The following MLXIPL variants were observed in gnomAD, a reference collection of about 807,000 sequenced individuals.
MLXIPL encodes carbohydrate-responsive element-binding protein.
MLXIPL carries 49 observed loss-of-function variants against 81.5 expected under a neutral mutation model. That is an observed-to-expected ratio of 0.60 (90% CI 0.48 to 0.76). The LOEUF (loss-of-function observed/expected upper bound fraction) is 0.76. Among genes scored for constraint, MLXIPL ranks in the 30% least tolerant of loss-of-function variants. MLXIPL has a pLI of 0.00. For missense variants in MLXIPL, 1,053 were observed against 1,167.0 expected (o/e 0.90, Z 1.42); for synonymous variants, 466 against 485.5 (o/e 0.96, Z 0.53).
At chr7:73,606,460 C>G (rs1025918389) in intron 5 of MLXIPL, 21 of 360,952 alleles carry the variant, frequency 5.8e-5, no homozygotes, top group African/African-American at 4.2e-4. Flanking sequence ...GAGTCTCACT[C>G]TGTTGCCCAG....
the MLXIPL span, among the ~76,000 whole-genome samples, chr7:73,633,544 C>T: frequency 1.1e-4 from 16 of 152,014 alleles, no homozygotes; most frequent in Non-Finnish European, 2.2e-4. Flanking sequence ...CTGGTTTTGA[C>T]CTGGGCTCCA....
At chr7:73,611,955 G>A (rs1315410196) in intron 2 of MLXIPL, among the ~76,000 whole-genome samples, 1 of 152,122 alleles carries the variant, frequency 6.6e-6, no homozygotes, top group East Asian at 1.9e-4. Context: ...ACTCCCAGGG[G>A]GCTAGATAAG....
intron 1 of MLXIPL, among the ~76,000 whole-genome samples, chr7:73,618,970 G>T (rs1796156925): frequency 6.6e-6 from 1 of 152,182 alleles, no homozygotes; most frequent in Admixed American, 6.5e-5. Flanking sequence ...GGAAGAAAAG[G>T]ATTTGGGGCT....
chr7:73,601,810 G>A (rs1281648262), intron 7 of MLXIPL, among the ~76,000 whole-genome samples: 1 of 152,142 alleles, frequency 6.6e-6, no homozygotes, highest in Non-Finnish European at 1.5e-5. Flanking sequence ...GGGATGACAG[G>A]AGTGAGTCAC....
upstream of MLXIPL, chr7:73,624,550 T>C (rs1038588433): frequency 8.8e-6 from 13 of 1,474,548 alleles, no homozygotes; most frequent in African/African-American, 1.5e-5. Context: ...GAACAGCTCT[T>C]GGCCAGCCGG....
At chr7:73,643,284 G>A in the MLXIPL span, among the ~76,000 whole-genome samples, 1 of 152,154 alleles carries the variant, frequency 6.6e-6, no homozygotes, top group Non-Finnish European at 1.5e-5. Context: ...GGAGGCCGAG[G>A]CGGGCGGATC....
intron 2 of MLXIPL, among the ~76,000 whole-genome samples, chr7:73,611,827 T>A (rs1031810137): frequency 1.1e-3 from 168 of 148,494 alleles, no homozygotes; most frequent in African/African-American, 3.4e-3. Context: ...AAAAAAAAAA[T>A]AAAATAAAAT....
At chr7:73,640,127 G>A in the MLXIPL span, among the ~76,000 whole-genome samples, 4 of 151,738 alleles carry the variant, frequency 2.6e-5, no homozygotes, top group South Asian at 2.1e-4. Context: ...GTTATGGGCC[G>A]GGCATGGTGG....
chr7:73,636,003 G>A, the MLXIPL span, among the ~76,000 whole-genome samples: 3 of 152,292 alleles, frequency 2.0e-5, no homozygotes, highest in East Asian at 1.9e-4. Context: ...AACTAGAGGG[G>A]GCCAGTCCCA....
At chr7:73,613,313 T>C (rs1452103452) in intron 2 of MLXIPL, among the ~76,000 whole-genome samples, 3 of 152,026 alleles carry the variant, frequency 2.0e-5, no homozygotes, top group African/African-American at 7.2e-5. Context: ...AAATAGGACC[T>C]ATTGGCCGGG....
At position 73,604,148 on chromosome 7, in the gene MLXIPL, G is replaced by A. The variant is rs182285346; in HGVS notation, c.901+1540C>T. Among the ~76,000 whole-genome samples, 625 of 146,912 alleles carry A rather than the reference G, an allele frequency of 4.3e-3. 4 individuals are homozygous for A. Among genetic ancestry groups the A allele is most frequent in the Non-Finnish European group, 6.5e-3 (435 of 67,330 alleles). On this transcript the variant is annotated intron_variant, in intron 7 of 16. Coordinates refer to ENST00000313375, the MANE Select transcript of MLXIPL (RefSeq NM_032951.3). Reference sequence around the variant, plus strand: ...CAAGAATCGCTTGAACCTGGGAGGCGGAAGCTGCAGTGAGCTGAGATGGAC... The same window carrying A: ...CAAGAATCGCTTGAACCTGGGAGGCAGAAGCTGCAGTGAGCTGAGATGGAC...
At chr7:73,612,105 T>G (rs1051383647) in intron 2 of MLXIPL, among the ~76,000 whole-genome samples, 4 of 151,632 alleles carry the variant, frequency 2.6e-5, no homozygotes, top group Non-Finnish European at 5.9e-5. Flanking sequence ...CTGAGAGGAT[T>G]GCTTGAGGCC....
At chr7:73,629,440 G>A (rs1044418704), upstream of MLXIPL, among the ~76,000 whole-genome samples, 5 of 152,122 alleles carry the variant, frequency 3.3e-5, no homozygotes, top group Non-Finnish European at 7.3e-5. Context: ...AATTCCTTGA[G>A]AGCAAGAATC....
chr7:73,612,065 C>T (rs1423316458), intron 2 of MLXIPL, among the ~76,000 whole-genome samples: 3 of 152,140 alleles, frequency 2.0e-5, no homozygotes, highest in Non-Finnish European at 4.4e-5. Context: ...GTGGCTCACG[C>T]CTGTAGCCCC....
rs116089913 is a variant in MLXIPL at position 73,599,981 on chromosome 7, C to T, written c.902-286G>A. Among the ~76,000 whole-genome samples, 956 of 152,142 alleles carry T rather than the reference C, an allele frequency of 6.3e-3. 11 individuals carry two copies. Among genetic ancestry groups the T allele is most frequent in the African/African-American group, 0.022 (934 of 41,518 alleles). ...AGGAGCCCCCTCCCCTCCCCAGCCC[C>T]AGGCTTAGCTCAGGAAGTCCCCCTC... is the stretch of plus-strand genomic sequence containing the variant. On this transcript the variant is annotated intron_variant, in intron 7 of 16. Coordinates refer to ENST00000313375, the MANE Select transcript of MLXIPL (RefSeq NM_032951.3).
At chr7:73,611,744 A>G (rs1412434113) in intron 2 of MLXIPL, among the ~76,000 whole-genome samples, 1 of 151,626 alleles carries the variant, frequency 6.6e-6, no homozygotes, top group Non-Finnish European at 1.5e-5. Context: ...TGAACCCGGG[A>G]GGCAGAGGTT....
At chr7:73,594,044 A>T in intron 16 of MLXIPL, 61 bp from the exon 17 acceptor site, 1 of 1,488,840 alleles carries the variant, frequency 6.7e-7, no homozygotes. Context: ...CTACCCTTGG[A>T]TGTGGAACCA....
chr7:73,603,035 G>A (rs1302133617), intron 7 of MLXIPL, among the ~76,000 whole-genome samples: 1 of 152,228 alleles, frequency 6.6e-6, no homozygotes, highest in African/African-American at 2.4e-5. Context: ...TCCCCTCCAC[G>A]GACCTGACCT....
At chr7:73,642,475 T>C in the MLXIPL span, among the ~76,000 whole-genome samples, 7,150 of 152,158 alleles carry the variant, frequency 0.047, 195 homozygotes, top group Non-Finnish European at 0.063. Context: ...CCTCAGCCTC[T>C]GGAGTAGCTG....
Sources: allele counts gnomAD v4.1 joint callset (sites outside exome capture counted in the v4.1 genomes callset), GRCh38; gene constraint gnomAD v4.1.1; transcripts MANE v1.5; gene names NCBI Gene and HGNC (gene_info 2026-07-23, HGNC 2026-07-21).